Variants in KHDRBS2 observed in about 807,000 individuals in gnomAD.
KHDRBS2 encodes KH domain-containing, RNA-binding, signal transduction-associated protein 2.
A neutral mutation model predicts 44.3 loss-of-function variants in KHDRBS2; 26 were observed. That is an observed-to-expected ratio of 0.59 (90% CI 0.43 to 0.81). The LOEUF is 0.81. KHDRBS2 is among the 40% of genes least tolerant of loss of function. The probability of loss-of-function intolerance (pLI) is 0.00; values close to 1 mark genes in which losing one functional copy is unlikely to be tolerated. For missense variants in KHDRBS2, 476 were observed against 433.1 expected (o/e 1.10, Z -0.88); for synonymous variants, 194 against 151.1 (o/e 1.28, Z -2.08).
chr6:61,884,938 A>G (rs1800727766), intron 6 of KHDRBS2, among the ~76,000 whole-genome samples: 1 of 152,096 alleles, frequency 6.6e-6, no homozygotes, highest in South Asian at 2.1e-4. Context: ...TCAAAATTAT[A>G]TAATTTTGCA....
intron 3 of KHDRBS2, among the ~76,000 whole-genome samples, chr6:61,985,476 T>C (rs1774875823): frequency 6.6e-6 from 1 of 152,292 alleles, no homozygotes; most frequent in South Asian, 2.1e-4. Context: ...TAGTTTGCTC[T>C]TGTGGCTCCC....
chr6:62,258,373 C>A (rs1837767913), intron 1 of KHDRBS2, among the ~76,000 whole-genome samples: 1 of 151,970 alleles, frequency 6.6e-6, no homozygotes, highest in South Asian at 2.1e-4. Flanking sequence ...TGCTTAGTTA[C>A]CCTGAACAGA....
intron 6 of KHDRBS2, among the ~76,000 whole-genome samples, chr6:61,852,976 C>A (rs1659892094): frequency 6.6e-6 from 1 of 152,160 alleles, no homozygotes; most frequent in African/African-American, 2.4e-5. Flanking sequence ...TTCTAAAAGG[C>A]TATGGCCCTG....
intron 1 of KHDRBS2, among the ~76,000 whole-genome samples, chr6:62,205,723 T>G (rs1253441314): frequency 6.6e-6 from 1 of 152,090 alleles, no homozygotes; most frequent in African/African-American, 2.4e-5. Context: ...CTCAGCAAGT[T>G]TCCTCCTCCC....
chr6:62,024,032 C>A (rs1782831769), intron 3 of KHDRBS2, among the ~76,000 whole-genome samples: 1 of 150,976 alleles, frequency 6.6e-6, no homozygotes, highest in African/African-American at 2.4e-5. Flanking sequence ...GTTAAACATT[C>A]AATCCCAATA....
chr6:61,908,113 AG>A (rs1805360559), intron 4 of KHDRBS2, among the ~76,000 whole-genome samples: 1 of 152,152 alleles, frequency 6.6e-6, no homozygotes, highest in African/African-American at 2.4e-5. Context: ...TAAAAATATG[AG>A]TTCATAAATG....
At chr6:62,233,726 G>A (rs1339214438) in intron 1 of KHDRBS2, among the ~76,000 whole-genome samples, 4 of 152,102 alleles carry the variant, frequency 2.6e-5, no homozygotes, top group Non-Finnish European at 4.4e-5. Context: ...ACTTCTAAGT[G>A]AGAACATGTG....
In KHDRBS2 at chr6:61,989,379, A is replaced by T. The variant is rs115657997; in HGVS notation, c.337-11167T>A. On this transcript the variant is annotated intron_variant, in intron 3 of 8. Coordinates refer to ENST00000281156, the MANE Select transcript of KHDRBS2 (RefSeq NM_152688.4). ...AACTACTTCCTGTCATAAAGACACA[A>T]GAAGTTTGTTTGTTTTTCCTTTGGA... Among the ~76,000 whole-genome samples the T allele has an allele frequency of 1.8e-3, 268 of 152,320 alleles. 2 individuals carry two copies. Among genetic ancestry groups the T allele is most frequent in the African/African-American group, 5.8e-3 (240 of 41,578 alleles).
intron 6 of KHDRBS2, among the ~76,000 whole-genome samples, chr6:61,814,183 G>A (rs1009917853): frequency 5.9e-5 from 9 of 152,264 alleles, no homozygotes; most frequent in African/African-American, 2.2e-4. Flanking sequence ...AGGATGGAAT[G>A]GTGTTTACTT....
intron 1 of KHDRBS2, among the ~76,000 whole-genome samples, chr6:62,281,991 T>C (rs774805714): frequency 2.0e-5 from 3 of 152,262 alleles, no homozygotes; most frequent in East Asian, 1.9e-4. Context: ...CCAAGTCTAT[T>C]GGGAGAAAAA....
At chr6:61,949,443 T>C (rs1764286558) in intron 4 of KHDRBS2, among the ~76,000 whole-genome samples, 1 of 152,098 alleles carries the variant, frequency 6.6e-6, no homozygotes, top group South Asian at 2.1e-4. Flanking sequence ...ATGAAATCAG[T>C]CTTATCTTCA....
chr6:61,553,071 GAAT>G, the KHDRBS2 span, among the ~76,000 whole-genome samples: 1 of 152,122 alleles, frequency 6.6e-6, no homozygotes, highest in Non-Finnish European at 1.5e-5. Context: ...GCTTCCATAG[GAAT>G]AATACTTGCT....
intron 4 of KHDRBS2, among the ~76,000 whole-genome samples, chr6:61,958,702 A>G (rs1260486171): frequency 6.6e-6 from 1 of 152,158 alleles, no homozygotes; most frequent in Non-Finnish European, 1.5e-5. Flanking sequence ...ACTTTACAGA[A>G]CCTGATCTTA....
intron 4 of KHDRBS2, among the ~76,000 whole-genome samples, chr6:61,909,284 G>T (rs1442811767): frequency 3.9e-5 from 6 of 151,966 alleles, no homozygotes; most frequent in Admixed American, 3.9e-4. Flanking sequence ...GCCCAGGCTG[G>T]TGTCGCACTC....
At chr6:61,956,675 C>A (rs965307750) in intron 4 of KHDRBS2, among the ~76,000 whole-genome samples, 2 of 152,122 alleles carry the variant, frequency 1.3e-5, no homozygotes, top group Non-Finnish European at 2.9e-5. Context: ...TCTCCATTCT[C>A]TGCACACCCC....
At chr6:61,809,394 G>GCTT in intron 6 of KHDRBS2, among the ~76,000 whole-genome samples, 1 of 152,110 alleles carries the variant, frequency 6.6e-6, no homozygotes, top group Non-Finnish European at 1.5e-5. Context: ...CATTTGGTTA[G>GCTT]CTAGAAACTT....
chr6:61,821,177 A>C (rs1481283643), intron 6 of KHDRBS2, among the ~76,000 whole-genome samples: 1 of 151,698 alleles, frequency 6.6e-6, no homozygotes, highest in Admixed American at 6.6e-5. Context: ...TTGACTTTCA[A>C]CTCTCTCTTA....
intron 2 of KHDRBS2, among the ~76,000 whole-genome samples, chr6:62,072,166 G>T (rs1262155001): frequency 3.3e-5 from 5 of 152,168 alleles, no homozygotes; most frequent in African/African-American, 1.2e-4. Flanking sequence ...GTATAAGAGT[G>T]CTTGTGATTT....
chr6:61,785,284 C>A (rs997856309), intron 6 of KHDRBS2, among the ~76,000 whole-genome samples: 4 of 151,944 alleles, frequency 2.6e-5, no homozygotes, highest in African/African-American at 9.7e-5. Flanking sequence ...TAAGATACCA[C>A]TTTTTTGGCC....
Sources: allele counts gnomAD v4.1 joint callset (sites outside exome capture counted in the v4.1 genomes callset), GRCh38; gene constraint gnomAD v4.1.1; transcripts MANE v1.5; gene names NCBI Gene and HGNC (gene_info 2026-07-23, HGNC 2026-07-21).